SDCCAG8: variants seen among roughly 807,000 people sequenced by gnomAD.
The protein encoded by SDCCAG8 is SHH signaling and ciliogenesis regulator SDCCAG8.
In SDCCAG8, 74 loss-of-function variants were observed where a neutral mutation model predicts 101.8. That is an observed-to-expected ratio of 0.73 (90% CI 0.60 to 0.88). The LOEUF is 0.88. Ranked by LOEUF, SDCCAG8 falls within the 40% of genes least tolerant of loss-of-function variation. The pLI is 0.00. For missense variants in SDCCAG8, 787 were observed against 822.6 expected (o/e 0.96, Z 0.53); for synonymous variants, 281 against 292.9 (o/e 0.96, Z 0.41).
intron 16 of SDCCAG8, among the ~76,000 whole-genome samples, chr1:243,442,089 G>T (rs1024147643): frequency 2.6e-5 from 4 of 152,154 alleles, no homozygotes; most frequent in Non-Finnish European, 5.9e-5. Context: ...CATTCAAAAT[G>T]AATTCATGTT....
At chr1:243,496,168 C>G (rs1667803123) in intron 17 of SDCCAG8, among the ~76,000 whole-genome samples, 1 of 152,150 alleles carries the variant, frequency 6.6e-6, no homozygotes, top group African/African-American at 2.4e-5. Flanking sequence ...AAATAAGGCC[C>G]AGAGAAATGA....
chr1:243,306,880 A>C (rs2072187809), intron 7 of SDCCAG8, among the ~76,000 whole-genome samples: 1 of 151,934 alleles, frequency 6.6e-6, no homozygotes, highest in Non-Finnish European at 1.5e-5. Flanking sequence ...GAAAGCCCCC[A>C]AAATCTCAAC....
chr1:243,488,864 A>C (rs879731321), intron 16 of SDCCAG8, 150 bp from the exon 17 acceptor site: 20 of 1,019,956 alleles, frequency 2.0e-5, no homozygotes, highest in South Asian at 5.4e-5. Context: ...CCAAGGACCT[A>C]GTGCCAGCCA....
intron 16 of SDCCAG8, among the ~76,000 whole-genome samples, chr1:243,439,622 T>TCTCACACA (rs541157518): frequency 5.3e-4 from 64 of 120,204 alleles, no homozygotes; most frequent in African/African-American, 1.9e-3. Flanking sequence ...TGAGACTCCA[T>TCTCACACA]CACACACACA....
At chr1:243,327,601 T>G (rs529860580) in intron 9 of SDCCAG8, among the ~76,000 whole-genome samples, 41 of 151,916 alleles carry the variant, frequency 2.7e-4, no homozygotes, top group Non-Finnish European at 4.7e-4. Context: ...CTTTGAGAAG[T>G]CAGTTATTAT....
intron 17 of SDCCAG8, among the ~76,000 whole-genome samples, chr1:243,499,047 T>C (rs1029006463): frequency 6.6e-6 from 1 of 152,238 alleles, no homozygotes; most frequent in Non-Finnish European, 1.5e-5. Context: ...CAGTGGCTTC[T>C]GACTCTAGTT....
At chr1:243,480,662 G>T (rs1319429673) in intron 16 of SDCCAG8, among the ~76,000 whole-genome samples, 7 of 135,606 alleles carry the variant, frequency 5.2e-5, no homozygotes, top group Admixed American at 4.5e-4. Flanking sequence ...GGATGGGTGG[G>T]ATGGATGGAT....
At chr1:243,485,010 C>T (rs1246766815) in intron 16 of SDCCAG8, among the ~76,000 whole-genome samples, 2 of 150,842 alleles carry the variant, frequency 1.3e-5, no homozygotes, top group Admixed American at 1.3e-4. Flanking sequence ...TGCCACTGCA[C>T]TCCAGCCTGG....
intron 12 of SDCCAG8, among the ~76,000 whole-genome samples, chr1:243,361,579 C>A (rs1484118421): frequency 6.6e-6 from 1 of 152,204 alleles, no homozygotes; most frequent in Non-Finnish European, 1.5e-5. Context: ...GCCTGTCTTT[C>A]CACCCTCTTC....
intron 4 of SDCCAG8, among the ~76,000 whole-genome samples, chr1:243,276,820 C>T (rs1407621701): frequency 6.6e-6 from 1 of 152,154 alleles, no homozygotes; most frequent in African/African-American, 2.4e-5. Context: ...CCCTTCCCTC[C>T]CATCCCCTGG....
chr1:243,374,496 A>G (rs1220010291), intron 12 of SDCCAG8, among the ~76,000 whole-genome samples: 1 of 152,130 alleles, frequency 6.6e-6, no homozygotes, highest in Admixed American at 6.6e-5. Flanking sequence ...AGGATGGCCT[A>G]GGGATTTTCA....
chr1:243,473,919 CGGCGG>C (rs1417394963), intron 16 of SDCCAG8, among the ~76,000 whole-genome samples: 162 of 3,422 alleles, frequency 0.047, 10 homozygotes, highest in African/African-American at 0.15. Context: ...GGAGAGTTGC[CGGCGG>C]GGGGGGGGGG....
At position 243,298,853 on chromosome 1, in the gene SDCCAG8, A is replaced by G. The variant is rs1373344923; in HGVS notation, c.675+5634A>G. 2.0e-5 allele frequency among the ~76,000 whole-genome samples: 3 copies of G among 152,298 alleles called. No homozygotes were observed. In the East Asian group the frequency reaches 5.8e-4, roughly 29 times the overall value. On this transcript the variant is annotated intron_variant, in intron 6 of 17. Coordinates refer to ENST00000366541, the MANE Select transcript of SDCCAG8 (RefSeq NM_006642.5). ...CTAATACTATACTGTCTTGATTGTT[A>G]TAGCCTGAAATCTGGCAGACCAAGT...
At chr1:243,444,033 T>A (rs12087517) in intron 16 of SDCCAG8, among the ~76,000 whole-genome samples, 67 of 152,330 alleles carry the variant, frequency 4.4e-4, no homozygotes, top group African/African-American at 1.5e-3. Context: ...AAAATTACGC[T>A]TGTTTTTATT....
At chr1:243,494,044 C>T (rs1349066153) in intron 17 of SDCCAG8, among the ~76,000 whole-genome samples, 1 of 152,120 alleles carries the variant, frequency 6.6e-6, no homozygotes, top group East Asian at 1.9e-4. Flanking sequence ...CTGGGGGCCT[C>T]GCCCAGCTGA....
chr1:243,324,601 G>C (rs2074012546), intron 9 of SDCCAG8, among the ~76,000 whole-genome samples: 1 of 151,480 alleles, frequency 6.6e-6, no homozygotes, highest in Admixed American at 6.6e-5. Flanking sequence ...TGGGATTACA[G>C]GTGTGAGCCA....
At chr1:243,269,365 C>T (rs186124806) in intron 1 of SDCCAG8, among the ~76,000 whole-genome samples, 1 of 145,072 alleles carries the variant, frequency 6.9e-6, no homozygotes, top group East Asian at 2.0e-4. Flanking sequence ...TGCAGTGGTG[C>T]GATCTCGGCT....
chr1:243,438,262 C>T (rs1177699383), intron 16 of SDCCAG8, among the ~76,000 whole-genome samples: 1 of 152,194 alleles, frequency 6.6e-6, no homozygotes, highest in Non-Finnish European at 1.5e-5. Flanking sequence ...TCCAGGCTGG[C>T]ACACTAGCCC....
chr1:243,394,393 G>A (rs563416427), intron 13 of SDCCAG8, among the ~76,000 whole-genome samples: 26 of 152,146 alleles, frequency 1.7e-4, no homozygotes, highest in African/African-American at 5.3e-4. Flanking sequence ...ACAGAATCTC[G>A]CAAATTCATT....
Sources: gnomAD v4.1 joint callset for allele counts (sites outside exome capture counted in the v4.1 genomes callset) on GRCh38, gnomAD v4.1.1 for gene constraint, MANE v1.5 for transcripts, NCBI Gene and HGNC (gene_info 2026-07-23, HGNC 2026-07-21) for gene names.